RGS7: variants seen among roughly 807,000 people sequenced by gnomAD.
The protein encoded by RGS7 is regulator of G protein signaling 7.
A neutral mutation model predicts 81.1 loss-of-function variants in RGS7; 27 were observed. The observed-to-expected ratio is 0.33, with a 90% CI of 0.25 to 0.46. The LOEUF (loss-of-function observed/expected upper bound fraction) is 0.46, where lower values mean the gene tolerates loss of function less well. Among genes scored for constraint, RGS7 ranks in the 20% least tolerant of loss-of-function variants. The pLI is 1.00. For missense variants in RGS7, 396 were observed against 607.4 expected (o/e 0.65, Z 3.66); for synonymous variants, 208 against 207.7 (o/e 1.00, Z -0.01).
chr1:240,946,099 G>A (rs1678560187), intron 4 of RGS7, among the ~76,000 whole-genome samples: 1 of 152,030 alleles, frequency 6.6e-6, no homozygotes, highest in Admixed American at 6.6e-5. Context: ...CAATTTGATT[G>A]TAATTTTAAA....
rs4593810 is a variant in RGS7 at position 241,124,758 on chromosome 1, C to T, written c.79-25996G>A. ...CAGGAAGGGCCCCCTGGGAGCTGAG[C>T]CAATTGTGTGGACATGTGAGACATA... On this transcript the variant is annotated intron_variant, in intron 2 of 18. Transcript: ENST00000440928. Among the ~76,000 whole-genome samples the T allele has an allele frequency of 7.7e-3, 1,174 of 152,218 alleles. 13 individuals carry two copies. Among genetic ancestry groups the T allele is most frequent in the African/African-American group, 0.026 (1,093 of 41,532 alleles).
chr1:241,234,550 T>G (rs1200161599), intron 2 of RGS7, among the ~76,000 whole-genome samples: 4 of 151,932 alleles, frequency 2.6e-5, no homozygotes. Context: ...CCAGCCACCC[T>G]GAGTGGATGA....
intron 3 of RGS7, among the ~76,000 whole-genome samples, chr1:241,065,972 AAAG>A (rs1315844984): frequency 6.6e-6 from 1 of 152,198 alleles, no homozygotes; most frequent in Non-Finnish European, 1.5e-5. Flanking sequence ...ATTATTTACC[AAAG>A]AATAGTTACT....
intron 3 of RGS7, among the ~76,000 whole-genome samples, chr1:241,040,531 C>T (rs1325098265): frequency 6.6e-6 from 1 of 151,762 alleles, no homozygotes; most frequent in African/African-American, 2.4e-5. Flanking sequence ...GACTGAGTTT[C>T]GCTCTTGTTG....
At chr1:240,975,396 C>T (rs1287863548) in intron 4 of RGS7, among the ~76,000 whole-genome samples, 3 of 140,030 alleles carry the variant, frequency 2.1e-5, no homozygotes, top group Admixed American at 1.5e-4. Context: ...AGCAAGACTT[C>T]GTCTAAACAA....
intron 18 of RGS7, among the ~76,000 whole-genome samples, chr1:240,798,379 A>G (rs909249750): frequency 1.3e-5 from 2 of 152,204 alleles, no homozygotes; most frequent in African/African-American, 4.8e-5. Context: ...CCATTTTTCT[A>G]ACCTTGGTTA....
At chr1:241,091,119 G>C (rs982460458) in intron 3 of RGS7, among the ~76,000 whole-genome samples, 6 of 152,152 alleles carry the variant, frequency 3.9e-5, no homozygotes, top group African/African-American at 1.4e-4. Flanking sequence ...CTAGGAAATG[G>C]AGAAAAGCAA....
chr1:241,032,417 C>A (rs1017526552), intron 3 of RGS7, among the ~76,000 whole-genome samples: 5 of 152,208 alleles, frequency 3.3e-5, no homozygotes, highest in South Asian at 2.1e-4. Flanking sequence ...AGTGATGCCT[C>A]CAGCTTTGTT....
chr1:240,992,147 C>T (rs912657427), intron 3 of RGS7, among the ~76,000 whole-genome samples: 5 of 152,120 alleles, frequency 3.3e-5, no homozygotes, highest in African/African-American at 9.7e-5. Flanking sequence ...AAGAGGATTC[C>T]AATTCCGGAA....
chr1:241,143,704 T>C (rs2068092130), intron 2 of RGS7, among the ~76,000 whole-genome samples: 1 of 152,200 alleles, frequency 6.6e-6, no homozygotes, highest in Non-Finnish European at 1.5e-5. Flanking sequence ...ATTAAACCAC[T>C]TATTTATGTG....
At chr1:241,129,057 A>G (rs977965323) in intron 2 of RGS7, among the ~76,000 whole-genome samples, 2 of 152,194 alleles carry the variant, frequency 1.3e-5, no homozygotes, top group Non-Finnish European at 2.9e-5. Flanking sequence ...ATAACTTTAG[A>G]TAATTTCTCC....
chr1:240,903,941 C>T (rs1670419645), intron 6 of RGS7, among the ~76,000 whole-genome samples: 1 of 152,200 alleles, frequency 6.6e-6, no homozygotes. Context: ...GTGCTGGTGC[C>T]ATGCTTCTTG....
chr1:241,242,727 A>G (rs1017511324), intron 2 of RGS7, among the ~76,000 whole-genome samples: 2 of 152,106 alleles, frequency 1.3e-5, no homozygotes, highest in Non-Finnish European at 2.9e-5. Flanking sequence ...TTCCCTGATC[A>G]TTAGTGATGT....
In RGS7 at chr1:240,793,586, AATATAT is replaced by A. The variant is rs777839011; in HGVS notation, c.*6+7049_*6+7054del. On this transcript the variant is annotated intron_variant, in intron 18 of 18. Coordinates refer to ENST00000440928, the MANE Select transcript of RGS7 (RefSeq NM_001364886.1). ...TTATTTTCACTGAAGGTGTAGTAGGAATATATATATATATATATATATATATTTTTT... is the reference window on the plus strand; with the variant it reads ...TTATTTTCACTGAAGGTGTAGTAGGAATATATATATATATATATATTTTTT... 5.3e-4 allele frequency among the ~76,000 whole-genome samples: 54 copies of A among 102,316 alleles called. 1 individual carries two copies. The highest frequency in any genetic ancestry group is 8.6e-4 in the Admixed American group (9 of 10,446). 67.1% of individuals were successfully genotyped at this position (102,316 alleles called of 152,430 possible). A position where few individuals can be genotyped will look rare whatever the true frequency, so the allele number is the denominator to read the frequency against.
rs1440484299 is a variant in RGS7 at position 240,784,323 on chromosome 1, G to A, written c.*7-8110C>T. Among the ~76,000 whole-genome samples the A allele has an allele frequency of 2.6e-5, 4 of 152,104 alleles. No homozygotes were observed. In the East Asian group the frequency reaches 7.8e-4, roughly 29 times the overall value. ...GCTATGAAACAGATTACAGAGAAGA[G>A]TAGAAAGTTATCAACATCTTTTAGA... is the stretch of plus-strand genomic sequence containing the variant. On this transcript the variant is annotated intron_variant, in intron 18 of 18. Coordinates refer to ENST00000440928, the MANE Select transcript of RGS7 (RefSeq NM_001364886.1).
At chr1:241,353,635 A>G (rs2083383799) in intron 2 of RGS7, among the ~76,000 whole-genome samples, 1 of 152,202 alleles carries the variant, frequency 6.6e-6, no homozygotes, top group Non-Finnish European at 1.5e-5. Context: ...TTTGACAAGT[A>G]AGTTATATGT....
intron 3 of RGS7, among the ~76,000 whole-genome samples, chr1:241,007,807 A>C (rs116148153): frequency 6.7e-4 from 102 of 152,278 alleles, no homozygotes; most frequent in African/African-American, 2.4e-3. Flanking sequence ...GTTTGCTGAG[A>C]GGTCCTGAGG....
intron 2 of RGS7, among the ~76,000 whole-genome samples, chr1:241,250,155 T>A (rs1240187875): frequency 5.3e-5 from 8 of 152,166 alleles, no homozygotes; most frequent in Non-Finnish European, 1.2e-4. Flanking sequence ...TATTTCTTAA[T>A]CTTGATGGTG....
chr1:241,036,541 T>C (rs2060337491), intron 3 of RGS7, among the ~76,000 whole-genome samples: 2 of 152,354 alleles, frequency 1.3e-5, no homozygotes, highest in South Asian at 4.1e-4. Context: ...CTAAGTCCCA[T>C]GCTTACACAA....
Sources: gnomAD v4.1 joint callset for allele counts (sites outside exome capture counted in the v4.1 genomes callset) on GRCh38, gnomAD v4.1.1 for gene constraint, MANE v1.5 for transcripts, NCBI Gene and HGNC (gene_info 2026-07-23, HGNC 2026-07-21) for gene names.